Variants in LIMCH1 observed in about 807,000 individuals in gnomAD.
LIMCH1 encodes the protein LIM and calponin homology domains-containing protein 1.
Under a neutral mutation model 176.5 loss-of-function variants are expected in LIMCH1, and 113 were observed. That is an observed-to-expected ratio of 0.64 (90% CI 0.55 to 0.75). The LOEUF (loss-of-function observed/expected upper bound fraction) is 0.75, where lower values mean the gene tolerates loss of function less well. Among genes scored for constraint, LIMCH1 ranks in the 30% least tolerant of loss-of-function variants. The probability of loss-of-function intolerance (pLI) is 0.00; values close to 1 mark genes in which losing one functional copy is unlikely to be tolerated. For synonymous variants in LIMCH1, 619 were observed against 645.9 expected, an observed-to-expected ratio of 0.96 and a Z score of 0.63; for missense variants, 1,674 against 1,814.9, an observed-to-expected ratio of 0.92 and a Z score of 1.41.
At position 41,620,403 on chromosome 4, in the gene LIMCH1, C is replaced by T. The variant is rs1467211348; in HGVS notation, c.459-21C>T. 9 of 1,531,304 alleles carry T rather than the reference C, an allele frequency of 5.9e-6. 1 individual carries two copies. In the South Asian group the frequency reaches 9.6e-5, roughly 16 times the overall value. 94.9% of individuals were successfully genotyped at this position (1,531,304 alleles called of 1,614,324 possible). On this transcript the variant is annotated intron_variant, in intron 6 of 31. Transcript: ENST00000503057. Reference sequence around the variant, plus strand: ...CAGCCCAGTCTGTTAGTTTGGTAAACCATATTGTCCAACTCACTAGCTTTC... The same window carrying T: ...CAGCCCAGTCTGTTAGTTTGGTAAATCATATTGTCCAACTCACTAGCTTTC...
chr4:41,631,087 T>C, intron 9 of LIMCH1, 61 bp from the exon 10 acceptor site: 1 of 1,304,642 alleles, frequency 7.7e-7, no homozygotes, highest in South Asian at 1.8e-5. Flanking sequence ...GTTTTTTTTT[T>C]AAAAACCTCT....
At chr4:41,494,604 C>T (rs371065654) in exon 2 of LIMCH1, 75 of 1,602,428 alleles carry the variant, frequency 4.7e-5, no homozygotes, top group African/African-American at 3.5e-4. Flanking sequence ...TCCTCCTCTG[C>T]GAGTAAGTAT....
rs568725412 is a variant in LIMCH1, at chr4:41,553,920, C to T, written c.-241+15570C>T. Among the ~76,000 whole-genome samples, 8 of 152,234 alleles carry T rather than the reference C, an allele frequency of 5.3e-5. No individual in the cohort carries two copies. The South Asian group carries it at 1.7e-3, about 32-fold the overall frequency. ...GACGTAAAAACAAAACAGATAATAT[C>T]CTTGACCTAAGTGAATTCTCAAGCT... On this transcript the variant is annotated intron_variant, in intron 1 of 31. Coordinates refer to ENST00000503057, the MANE Select transcript of LIMCH1 (RefSeq NM_001330672.2).
intron 1 of LIMCH1, among the ~76,000 whole-genome samples, chr4:41,467,891 A>G (rs546442140): frequency 1.3e-5 from 2 of 152,338 alleles, no homozygotes; most frequent in East Asian, 1.9e-4. Context: ...CTCACTGTAC[A>G]TTGGAAGCAT....
intron 1 of LIMCH1, among the ~76,000 whole-genome samples, chr4:41,482,939 G>A (rs1338181571): frequency 1.3e-5 from 2 of 152,216 alleles, no homozygotes; most frequent in Admixed American, 6.5e-5. Context: ...TGAGTTAAAT[G>A]AGGACAGCTT....
intron 14 of LIMCH1, among the ~76,000 whole-genome samples, chr4:41,639,861 C>G (rs891342346): frequency 3.3e-5 from 5 of 152,160 alleles, no homozygotes; most frequent in African/African-American, 1.2e-4. Context: ...CTGGGCCATC[C>G]AGAATGTAAT....
intron 1 of LIMCH1, among the ~76,000 whole-genome samples, chr4:41,457,139 CTT>C (rs1342176061): frequency 3.3e-5 from 5 of 152,166 alleles, no homozygotes; most frequent in African/African-American, 1.2e-4. Flanking sequence ...TAACAAATCT[CTT>C]GAGTTTATTA....
At chr4:41,460,447 A>G (rs2065153347) in intron 1 of LIMCH1, among the ~76,000 whole-genome samples, 1 of 78,748 alleles carries the variant, frequency 1.3e-5, no homozygotes, top group Admixed American at 1.1e-4. Flanking sequence ...TTGTTCCACT[A>G]TAGTAATCAT....
intron 1 of LIMCH1, among the ~76,000 whole-genome samples, chr4:41,446,779 T>C (rs2063331067): frequency 6.6e-6 from 1 of 152,240 alleles, no homozygotes; most frequent in Non-Finnish European, 1.5e-5. Context: ...CTTTCAAAGT[T>C]TCTTTAAAAG....
At chr4:41,626,165 C>G (rs938198437) in intron 7 of LIMCH1, among the ~76,000 whole-genome samples, 1 of 152,106 alleles carries the variant, frequency 6.6e-6, no homozygotes, top group Non-Finnish European at 1.5e-5. Context: ...TATGAGTGGT[C>G]GTAAACTATC....
At chr4:41,532,743 A>G (rs542075645) in intron 3 of LIMCH1, among the ~76,000 whole-genome samples, 35 of 152,032 alleles carry the variant, frequency 2.3e-4, no homozygotes, top group Non-Finnish European at 3.7e-4. Flanking sequence ...ACTTAATAAG[A>G]ATTTTTTGTC....
intron 23 of LIMCH1, 78 bp from the exon 24 acceptor site, chr4:41,679,928 A>T: frequency 1.2e-6 from 1 of 843,316 alleles, no homozygotes; most frequent in South Asian, 1.5e-5. Flanking sequence ...CATATTGTAC[A>T]TGGTGGTTTA....
intron 2 of LIMCH1, among the ~76,000 whole-genome samples, chr4:41,517,265 T>C (rs1239039657): frequency 6.6e-6 from 1 of 152,184 alleles, no homozygotes; most frequent in Non-Finnish European, 1.5e-5. Context: ...CTGCCTGTGC[T>C]TCATTGGCCA....
intron 1 of LIMCH1, among the ~76,000 whole-genome samples, chr4:41,549,731 CA>C (rs1206374419): frequency 6.6e-6 from 1 of 152,030 alleles, no homozygotes; most frequent in Non-Finnish European, 1.5e-5. Context: ...TAGTGATAAG[CA>C]AAGTATAGTA....
rs1174601603 is a variant in LIMCH1 at position 41,676,446 on chromosome 4, A to G, written c.3503A>G (p.Gln1168Arg). The G allele has an allele frequency of 1.9e-6, 3 of 1,613,990 alleles. No individual in the cohort carries two copies. The highest frequency in any genetic ancestry group is 2.2e-5 in the East Asian group (1 of 44,872). The change falls in exon 23 of 32, where the codon CAG becomes CGG. Residue 1168 changes from glutamine to arginine, a missense_variant. Physicochemically the swap from Gln to Arg is conservative, Grantham distance 43. Transcript: ENST00000503057. Reference sequence around the variant, plus strand: ...CGACAGGAAAAATGGCAACAGGAACAGGAACGTTTGCTCCAGGTAGGATGG... The same window carrying G: ...CGACAGGAAAAATGGCAACAGGAACGGGAACGTTTGCTCCAGGTAGGATGG... ...RRRQEKWQQEQERLLQERYQK... is the reference protein window; with the variant it reads ...RRRQEKWQQERERLLQERYQK...
intron 1 of LIMCH1, chr4:41,551,106 C>A (rs745485018): frequency 3.9e-5 from 6 of 152,148 alleles, no homozygotes; most frequent in Non-Finnish European, 8.8e-5. Context: ...TTTCTTCTAT[C>A]TTTCTTCCTC....
At chr4:41,517,611 A>G (rs899866747) in intron 2 of LIMCH1, among the ~76,000 whole-genome samples, 1 of 151,420 alleles carries the variant, frequency 6.6e-6, no homozygotes, top group African/African-American at 2.4e-5. Context: ...GCGTTCCAAC[A>G]CTCTTGTTCA....
intron 3 of LIMCH1, chr4:41,524,620 G>A: frequency 1.5e-6 from 1 of 673,316 alleles, no homozygotes; most frequent in Non-Finnish European, 2.7e-6. Flanking sequence ...AAACGAAGAG[G>A]TCACTTAAAA....
At chr4:41,388,676 C>T (rs2056821165) in intron 1 of LIMCH1, among the ~76,000 whole-genome samples, 1 of 151,698 alleles carries the variant, frequency 6.6e-6, no homozygotes, top group Non-Finnish European at 1.5e-5. Flanking sequence ...GAGTTTCACT[C>T]TTGTCACCCA....
Sources: allele counts gnomAD v4.1 joint callset (sites outside exome capture counted in the v4.1 genomes callset), GRCh38; gene constraint gnomAD v4.1.1; transcripts MANE v1.5; gene names NCBI Gene and HGNC (gene_info 2026-07-23, HGNC 2026-07-21).